Variants in HDAC9 observed in about 807,000 individuals in gnomAD.
HDAC9 encodes the protein histone deacetylase 9.
A neutral mutation model predicts 139.4 loss-of-function variants in HDAC9; 41 were observed. The observed-to-expected ratio is 0.29, with a 90% CI of 0.23 to 0.38. The LOEUF (loss-of-function observed/expected upper bound fraction) is 0.38. HDAC9 is among the 10% of genes least tolerant of loss of function. The pLI, the probability that HDAC9 is intolerant of heterozygous loss-of-function variation, is 1.00. For missense variants in HDAC9, 1,147 were observed against 1,297.0 expected (o/e 0.88, Z 1.78); for synonymous variants, 517 against 476.2 (o/e 1.09, Z -1.12).
At chr7:18,748,501 C>T (rs1788172216) in intron 13 of HDAC9, among the ~76,000 whole-genome samples, 1 of 152,030 alleles carries the variant, frequency 6.6e-6, no homozygotes, top group African/African-American at 2.4e-5. Context: ...AATTACTAAA[C>T]AGGATAGGCA....
chr7:18,311,009 A>G (rs1799280762), intron 1 of HDAC9, among the ~76,000 whole-genome samples: 1 of 152,038 alleles, frequency 6.6e-6, no homozygotes, highest in African/African-American at 2.4e-5. Flanking sequence ...TTAAATTGTA[A>G]TAAGATCTTT....
intron 12 of HDAC9, among the ~76,000 whole-genome samples, chr7:18,678,433 C>G (rs912604773): frequency 1.3e-5 from 2 of 151,668 alleles, no homozygotes; most frequent in East Asian, 1.9e-4. Flanking sequence ...TATTTTCTCT[C>G]TCTTTCTTTT....
chr7:18,098,311 A>G (rs939130435), intron 1 of HDAC9, among the ~76,000 whole-genome samples: 2 of 152,210 alleles, frequency 1.3e-5, no homozygotes, highest in Non-Finnish European at 2.9e-5. Flanking sequence ...GGTATATTCA[A>G]TTCTCCTTTA....
intron 17 of HDAC9, among the ~76,000 whole-genome samples, chr7:18,817,201 A>AT (rs1794634240): frequency 6.6e-6 from 1 of 151,946 alleles, no homozygotes; most frequent in South Asian, 2.1e-4. Context: ...CGCCTGCCTG[A>AT]TTTTTTGTAT....
intron 23 of HDAC9, among the ~76,000 whole-genome samples, chr7:18,951,252 T>C (rs1457832950): frequency 1.3e-5 from 2 of 152,036 alleles, no homozygotes; most frequent in African/African-American, 4.8e-5. Context: ...GTATATGGTA[T>C]ATGCAACTTA....
chr7:18,930,060 G>T (rs1468706997), intron 22 of HDAC9, among the ~76,000 whole-genome samples: 1 of 152,116 alleles, frequency 6.6e-6, no homozygotes, highest in Non-Finnish European at 1.5e-5. Flanking sequence ...TTTTTAGTCA[G>T]TGCATCCCAA....
intron 2 of HDAC9, among the ~76,000 whole-genome samples, chr7:18,582,399 T>C (rs182862952): frequency 6.6e-6 from 1 of 152,282 alleles, no homozygotes; most frequent in East Asian, 1.9e-4. Context: ...GAATATGTGC[T>C]CGATAAGGGC....
At chr7:18,385,854 A>G (rs370352448) in intron 1 of HDAC9, among the ~76,000 whole-genome samples, 5 of 152,022 alleles carry the variant, frequency 3.3e-5, no homozygotes, top group Non-Finnish European at 7.4e-5. Flanking sequence ...CCTGCTCAGT[A>G]TGTTATAGAG....
chr7:18,860,358 G>T lies in HDAC9; in HGVS notation c.2685-14120G>T, dbSNP rs549653035. 1.4e-4 allele frequency among the ~76,000 whole-genome samples: 22 copies of T among 152,098 alleles called. No individual in the cohort carries two copies. In the South Asian group the frequency reaches 3.3e-3, roughly 23 times the overall value. ...TTTTAAGAACATTTTACTGTCATTT[G>T]TGTTCTATTTTCTATTCATTATGGC... On this transcript the variant is annotated intron_variant, in intron 21 of 25. Coordinates refer to ENST00000686413, the MANE Select transcript of HDAC9 (RefSeq NM_178425.4).
At chr7:18,981,522 G>T (rs1005220925) in intron 25 of HDAC9, among the ~76,000 whole-genome samples, 1 of 152,160 alleles carries the variant, frequency 6.6e-6, no homozygotes, top group Non-Finnish European at 1.5e-5. Context: ...TTCATTTGTG[G>T]AGGCTCTGGG....
At chr7:18,730,474 G>A (rs1328939484) in intron 13 of HDAC9, among the ~76,000 whole-genome samples, 2 of 152,072 alleles carry the variant, frequency 1.3e-5, no homozygotes, top group Non-Finnish European at 2.9e-5. Context: ...CAATCTAAAG[G>A]AACATTCACC....
At chr7:18,347,638 G>C (rs656228) in intron 1 of HDAC9, among the ~76,000 whole-genome samples, 151,449 of 152,312 alleles carry the variant, frequency 0.99, 75,302 homozygotes, top group Non-Finnish European at 1. Context: ...CAGAGTCTCA[G>C]TCTGTTGCCC....
At chr7:18,339,896 A>G (rs1184564665) in intron 1 of HDAC9, among the ~76,000 whole-genome samples, 1 of 151,506 alleles carries the variant, frequency 6.6e-6, no homozygotes, top group African/African-American at 2.4e-5. Context: ...ACAAGTGCTA[A>G]TGAGGTCAAG....
At chr7:18,521,305 G>T (rs1450287611) in intron 2 of HDAC9, among the ~76,000 whole-genome samples, 2 of 152,140 alleles carry the variant, frequency 1.3e-5, no homozygotes, top group African/African-American at 2.4e-5. Flanking sequence ...GGAAAAGTTA[G>T]ATGAGATGTT....
intron 25 of HDAC9, among the ~76,000 whole-genome samples, chr7:18,994,210 A>AAAAG (rs753248413): frequency 1.9e-4 from 29 of 152,116 alleles, no homozygotes; most frequent in Non-Finnish European, 4.0e-4. Flanking sequence ...GATTCGGGGG[A>AAAAG]AAAGATTATC....
rs1331956842 is a variant in HDAC9 at position 18,665,644 on chromosome 7, C to T, written c.1468-569C>T. Among the ~76,000 whole-genome samples the T allele has an allele frequency of 8.0e-4, 121 of 151,772 alleles. 1 individual carries two copies. ...TTAAATCATACACCTCTTTAAAGTT[C>T]AGAATATCAAAATAAATATTTCTAG... On this transcript the variant is annotated intron_variant, in intron 11 of 25. Coordinates refer to ENST00000686413, the MANE Select transcript of HDAC9 (RefSeq NM_178425.4).
At chr7:18,960,433 A>G (rs950928337) in intron 24 of HDAC9, among the ~76,000 whole-genome samples, 2 of 151,980 alleles carry the variant, frequency 1.3e-5, no homozygotes, top group Non-Finnish European at 2.9e-5. Flanking sequence ...TCCTATTATT[A>G]TTACTAATAT....
intron 1 of HDAC9, chr7:18,127,287 C>A (rs1784729504): frequency 5.9e-6 from 1 of 170,238 alleles, no homozygotes; most frequent in Non-Finnish European, 1.5e-5. Flanking sequence ...GTGGGCCATA[C>A]ATATATTACC....
At chr7:18,110,414 T>TA (rs1783536088) in intron 1 of HDAC9, among the ~76,000 whole-genome samples, 1 of 152,084 alleles carries the variant, frequency 6.6e-6, no homozygotes, top group South Asian at 2.1e-4. Context: ...CAAGGATACT[T>TA]ACGATGAACC....
Sources: allele counts gnomAD v4.1 joint callset (sites outside exome capture counted in the v4.1 genomes callset), GRCh38; gene constraint gnomAD v4.1.1; transcripts MANE v1.5; gene names NCBI Gene and HGNC (gene_info 2026-07-23, HGNC 2026-07-21).